Variants in PRKAG2 observed in about 807,000 individuals in gnomAD.
The protein encoded by PRKAG2 is 5'-AMP-activated protein kinase subunit gamma-2.
In PRKAG2, 26 loss-of-function variants were observed where a neutral mutation model predicts 69.6. The observed-to-expected ratio is 0.37, with a 90% CI of 0.27 to 0.52. The LOEUF (loss-of-function observed/expected upper bound fraction) is 0.52. Ranked by LOEUF, PRKAG2 falls within the 20% of genes least tolerant of loss-of-function variation. The pLI is 0.90. For missense variants in PRKAG2, 557 were observed against 740.0 expected (o/e 0.75, Z 2.87); for synonymous variants, 293 against 285.0 (o/e 1.03, Z -0.28).
intron 3 of PRKAG2, among the ~76,000 whole-genome samples, chr7:151,712,220 G>A (rs1029668126): frequency 1.3e-5 from 2 of 152,206 alleles, no homozygotes; most frequent in African/African-American, 4.8e-5. Flanking sequence ...CCCTCTGAGA[G>A]CTCTGAGGAG....
chr7:151,565,918 C>T, intron 11 of PRKAG2, 33 bp from the exon 12 acceptor site: 1 of 1,586,630 alleles, frequency 6.3e-7, no homozygotes, highest in Non-Finnish European at 8.7e-7. Flanking sequence ...CGTTCTAGAC[C>T]CAGAACACAC....
intron 6 of PRKAG2, among the ~76,000 whole-genome samples, chr7:151,590,068 G>C (rs1179364221): frequency 6.6e-6 from 1 of 152,200 alleles, no homozygotes; most frequent in Non-Finnish European, 1.5e-5. Flanking sequence ...TCAGATTCCT[G>C]TAATCCAGGG....
chr7:151,857,299 C>T (rs530214487), intron 1 of PRKAG2, among the ~76,000 whole-genome samples: 2 of 151,586 alleles, frequency 1.3e-5, no homozygotes. Context: ...GATCACTGAG[C>T]CCTACAGAGT....
chr7:151,565,601 T>C, intron 12 of PRKAG2, 119 bp downstream of exon 12: 1 of 1,409,208 alleles, frequency 7.1e-7, no homozygotes, highest in Non-Finnish European at 9.9e-7. Flanking sequence ...TGGTGCTGAA[T>C]TTATTCACCA....
rs888479758 is a variant in PRKAG2 at position 151,632,827 on chromosome 7, G to A, written c.685-689C>T. On this transcript the variant is annotated intron_variant, in intron 4 of 15. Coordinates refer to ENST00000287878, the MANE Select transcript of PRKAG2 (RefSeq NM_016203.4). This position sits in a 1 kb window ranked among gnomAD's most constrained non-coding sequence, Gnocchi z 4.2. ...CTATCCATTTTTTTTTTTCCAGCAT[G>A]GAACTCTTAATTCGCGTCCTCTCTT... The A allele has an allele frequency of 3.2e-5, 5 of 153,860 alleles. No homozygotes were observed. The highest frequency in any genetic ancestry group is 1.2e-4 in the African/African-American group (5 of 41,388). 9.5% of individuals were successfully genotyped at this position (153,860 alleles called of 1,614,324 possible).
At chr7:151,706,727 A>G (rs1838685304) in intron 3 of PRKAG2, among the ~76,000 whole-genome samples, 1 of 152,274 alleles carries the variant, frequency 6.6e-6, no homozygotes, top group African/African-American at 2.4e-5. Flanking sequence ...ACTAGGCGTT[A>G]GCTGTGGCAG....
At chr7:151,637,809 G>A (rs1005480038) in intron 4 of PRKAG2, among the ~76,000 whole-genome samples, 6 of 151,732 alleles carry the variant, frequency 4.0e-5, no homozygotes, top group South Asian at 2.1e-4. Context: ...AAAGACAGAC[G>A]AATTTGTCAG....
intron 1 of PRKAG2, among the ~76,000 whole-genome samples, chr7:151,825,792 G>C (rs2078892658): frequency 6.6e-6 from 1 of 152,178 alleles, no homozygotes; most frequent in African/African-American, 2.4e-5. Context: ...GGGATGCCCA[G>C]CATTACAGAC....
At chr7:151,704,327 GCAT>G (rs1838246313) in intron 3 of PRKAG2, among the ~76,000 whole-genome samples, 1 of 152,146 alleles carries the variant, frequency 6.6e-6, no homozygotes. Context: ...CATGATTCTA[GCAT>G]CATATGTTTT....
intron 3 of PRKAG2, among the ~76,000 whole-genome samples, chr7:151,749,795 A>C (rs1436735244): frequency 6.6e-6 from 1 of 151,614 alleles, no homozygotes; most frequent in Non-Finnish European, 1.5e-5. Context: ...TGAAAAAAAA[A>C]AAAAAAAGGA....
At chr7:151,574,518 G>C (rs1222445622) in intron 8 of PRKAG2, among the ~76,000 whole-genome samples, 2 of 152,176 alleles carry the variant, frequency 1.3e-5, no homozygotes, top group Admixed American at 1.3e-4. Flanking sequence ...TTCTGCAATT[G>C]CTGGGGTAAC....
Position 151,636,968 on chromosome 7 carries a change from G to A in PRKAG2, c.685-4830C>T, listed in dbSNP as rs1285425605. On this transcript the variant is annotated intron_variant, in intron 4 of 15. Coordinates refer to ENST00000287878, the MANE Select transcript of PRKAG2 (RefSeq NM_016203.4). ...GATCCACCCGCCTCAGCCTCCCAAA[G>A]TGCTGGGATTACAGGCATGAGCCAC... 2.6e-5 allele frequency among the ~76,000 whole-genome samples: 4 copies of A among 152,278 alleles called. No individual in the cohort carries two copies. The East Asian group carries it at 7.7e-4, about 29-fold the overall frequency.
At chr7:151,593,950 T>C (rs1409902929) in intron 6 of PRKAG2, among the ~76,000 whole-genome samples, 1 of 152,196 alleles carries the variant, frequency 6.6e-6, no homozygotes, top group Non-Finnish European at 1.5e-5. Flanking sequence ...AGGCACAGAA[T>C]ACAGGTAAGG....
At chr7:151,845,007 G>A (rs774873262) in intron 1 of PRKAG2, among the ~76,000 whole-genome samples, 2 of 152,072 alleles carry the variant, frequency 1.3e-5, no homozygotes, top group Non-Finnish European at 2.9e-5. Flanking sequence ...GAGTGTATGC[G>A]GAGCTCCAGG....
At position 151,632,301 on chromosome 7, in the gene PRKAG2, C is replaced by T. The variant is rs1470856320; in HGVS notation, c.685-163G>A. On this transcript the variant is annotated intron_variant, in intron 4 of 15. Coordinates refer to ENST00000287878, the MANE Select transcript of PRKAG2 (RefSeq NM_016203.4). This position sits in a 1 kb window ranked among gnomAD's most constrained non-coding sequence, Gnocchi z 4.2. ...GCGGGGGCCGGGGGCGGAGCGGGAG[C>T]GCTGCCCCCACCCGCCCGAGGCCGC... 10 of 929,894 alleles carry T rather than the reference C, an allele frequency of 1.1e-5. No individual in the cohort carries two copies. The highest frequency in any genetic ancestry group is 1.0e-5 in the Non-Finnish European group (8 of 781,024). The allele number at this position is 929,894 out of a possible 1,614,324, so 57.6% of individuals were successfully genotyped here. A position where few individuals can be genotyped will look rare whatever the true frequency, so the allele number is the denominator to read the frequency against.
rs1021159248 is a variant in PRKAG2 at position 151,677,265 on chromosome 7, C to T, written c.467-1628G>A. Among the ~76,000 whole-genome samples the T allele has an allele frequency of 3.3e-5, 5 of 152,136 alleles. 1 individual carries two copies. Among genetic ancestry groups the T allele is most frequent in the African/African-American group, 4.8e-5 (2 of 41,422 alleles). On this transcript the variant is annotated intron_variant, in intron 3 of 15. Transcript: ENST00000287878. Reference sequence around the variant, plus strand: ...GCTGTGGTGTGATCTCAGCTCACTGCAACCTCTGCCTCCCGGGTTCAAGCG... The same window carrying T: ...GCTGTGGTGTGATCTCAGCTCACTGTAACCTCTGCCTCCCGGGTTCAAGCG...
At chr7:151,706,503 G>A (rs1838631365) in intron 3 of PRKAG2, among the ~76,000 whole-genome samples, 1 of 148,368 alleles carries the variant, frequency 6.7e-6, no homozygotes, top group East Asian at 2.0e-4. Context: ...TAAAGATTAA[G>A]TCCCAGGAAG....
intron 1 of PRKAG2, among the ~76,000 whole-genome samples, chr7:151,800,723 G>A (rs986256724): frequency 1.1e-4 from 16 of 152,324 alleles, no homozygotes; most frequent in African/African-American, 3.1e-4. Context: ...CGGTGGAACC[G>A]CTCTGCATGA....
rs1259770510 is a variant in PRKAG2, at chr7:151,720,652, G to T, written c.467-45015C>A. ...GAGGGGGACAGAGGGGGATGAAGGA[G>T]GAGAGAATGGAGGGGATGGAGGGGG... On this transcript the variant is annotated intron_variant, in intron 3 of 15. Transcript: ENST00000287878. Among the ~76,000 whole-genome samples, 4 of 124,232 alleles carry T rather than the reference G, an allele frequency of 3.2e-5. No individual in the cohort carries two copies. In the South Asian group the frequency reaches 9.2e-4, roughly 29 times the overall value. The allele number at this position is 124,232 out of a possible 152,430, so 81.5% of individuals were successfully genotyped here.
Sources: gnomAD v4.1 joint callset for allele counts (sites outside exome capture counted in the v4.1 genomes callset) on GRCh38, gnomAD v4.1.1 for gene constraint, Gnocchi (gnomAD v3.1) non-coding constraint, MANE v1.5 for transcripts, NCBI Gene and HGNC (gene_info 2026-07-23, HGNC 2026-07-21) for gene names.